PLAG1: variants seen among roughly 807,000 people sequenced by gnomAD.
PLAG1 encodes the protein zinc finger protein PLAG1.
A neutral mutation model predicts 35.5 loss-of-function variants in PLAG1; 7 were observed. The ratio of observed to expected loss-of-function variants is 0.20; its 90% CI spans 0.11 to 0.37. The LOEUF (loss-of-function observed/expected upper bound fraction) is 0.37, where lower values mean the gene tolerates loss of function less well. PLAG1 is among the 10% of genes least tolerant of loss of function. The probability of loss-of-function intolerance (pLI) is 1.00; values close to 1 mark genes in which losing one functional copy is unlikely to be tolerated. For missense variants in PLAG1, 454 were observed against 602.8 expected (o/e 0.75, Z 2.58); for synonymous variants, 229 against 225.4 (o/e 1.02, Z -0.14).
At chr8:56,202,679 C>T (rs1477995021) in intron 1 of PLAG1, among the ~76,000 whole-genome samples, 1 of 152,172 alleles carries the variant, frequency 6.6e-6, no homozygotes, top group African/African-American at 2.4e-5. Flanking sequence ...TAAATTCAAG[C>T]ACCACATGAG....
chr8:56,166,791 T>C lies in PLAG1; in HGVS notation c.955A>G (p.Ile319Val), dbSNP rs763818891. 1.9e-6 allele frequency: 3 copies of C among 1,614,038 alleles called. No homozygotes were observed. Among genetic ancestry groups the C allele is most frequent in the African/African-American group, 1.3e-5 (1 of 75,058 alleles). ...TTLPLGMTCP[I>V]DMDTVHPSHH... is the part of the protein sequence containing the mutation. ...GAGGGATGAACAGTGTCCATATCTA[T>C]TGGGCATGTCATTCCCAAAGGTAAA... The change falls in exon 5 of 5, where the codon ATA (isoleucine) becomes GTA (valine). Residue 319 changes from isoleucine (I) to valine (V), a missense_variant. By Grantham distance (29) the Ile-to-Val change is conservative. This residue lies in a region of PLAG1 where 271 missense variants were observed against 315.6 expected (regional missense o/e 0.86). Transcript: ENST00000316981.
Position 56,211,154 on chromosome 8 carries a change from C to T in PLAG1, c.-355G>A, listed in dbSNP as rs1400847939. 2.6e-5 allele frequency: 4 copies of T among 152,742 alleles called. No homozygotes were observed. The highest frequency in any genetic ancestry group is 5.9e-5 in the Non-Finnish European group (4 of 68,064). 9.5% of individuals were successfully genotyped at this position (152,742 alleles called of 1,614,324 possible). ...TTTAACATCCTCCCTCCGGCCCGTC[C>T]GCCGCCTCTACACCGCCCGCGGAAT... On this transcript the variant is annotated 5_prime_UTR_variant, in exon 1 of 5. Coordinates refer to ENST00000316981, the MANE Select transcript of PLAG1 (RefSeq NM_002655.3).
rs1190164629 is a variant in PLAG1, at chr8:56,166,451, T to C, written c.1295A>G (p.Tyr432Cys). The C allele has an allele frequency of 9.3e-6, 15 of 1,613,320 alleles. No individual in the cohort carries two copies. Among genetic ancestry groups the C allele is most frequent in the African/African-American group, 1.3e-5 (1 of 74,874 alleles). Reference protein sequence around the residue: ...FNFIPLNGPPYNPLSVGSLGM... With the variant: ...FNFIPLNGPPCNPLSVGSLGM... Reference sequence around the variant, plus strand: ...AAGGCTCCCCACTGATAGAGGATTATAGGGAGGACCATTTAAAGGTATGAA... The same window carrying C: ...AAGGCTCCCCACTGATAGAGGATTACAGGGAGGACCATTTAAAGGTATGAA... The change falls in exon 5 of 5, where the codon TAT becomes TGT. Residue 432 changes from tyrosine (Y) to cysteine (C), a missense_variant. Physicochemically the swap from Tyr to Cys is radical, Grantham distance 194. This residue lies in a region of PLAG1 where 271 missense variants were observed against 315.6 expected (regional missense o/e 0.86). Coordinates refer to ENST00000316981, the MANE Select transcript of PLAG1 (RefSeq NM_002655.3).
intron 1 of PLAG1, among the ~76,000 whole-genome samples, chr8:56,183,716 A>C (rs1811938388): frequency 6.6e-6 from 1 of 152,218 alleles, no homozygotes; most frequent in Non-Finnish European, 1.5e-5. Context: ...ATAATCAGAA[A>C]AAATTATTTC....
intron 1 of PLAG1, among the ~76,000 whole-genome samples, chr8:56,181,046 T>A (rs1811850190): frequency 6.6e-6 from 1 of 152,140 alleles, no homozygotes; most frequent in African/African-American, 2.4e-5. Flanking sequence ...AGAATGGCAA[T>A]CATTAAATAG....
chr8:56,170,538 C>T (rs1156508170), intron 3 of PLAG1, among the ~76,000 whole-genome samples: 1 of 152,124 alleles, frequency 6.6e-6, no homozygotes, highest in East Asian at 1.9e-4. Flanking sequence ...TTTAGAACAT[C>T]GTGGGAAACA....
chr8:56,196,845 T>C (rs1055206406), intron 1 of PLAG1, among the ~76,000 whole-genome samples: 9 of 152,110 alleles, frequency 5.9e-5, no homozygotes, highest in South Asian at 2.1e-4. Flanking sequence ...CCCATCCAGA[T>C]GCGTGGGGGT....
At chr8:56,205,919 T>C (rs924769207) in intron 1 of PLAG1, among the ~76,000 whole-genome samples, 1 of 152,030 alleles carries the variant, frequency 6.6e-6, no homozygotes, top group Non-Finnish European at 1.5e-5. Flanking sequence ...GCACACACTG[T>C]GGTTAGTTTT....
Position 56,162,304 on chromosome 8 carries a change from A to T in PLAG1, c.*3939T>A, listed in dbSNP as rs969020945. The T allele has an allele frequency of 4.4e-6, 1 of 228,182 alleles. No homozygotes were observed. The highest frequency in any genetic ancestry group is 2.2e-5 in the African/African-American group (1 of 45,060). 14.1% of individuals were successfully genotyped at this position (228,182 alleles called of 1,614,324 possible). A position where few individuals can be genotyped will look rare whatever the true frequency, so the allele number is the denominator to read the frequency against. On this transcript the variant is annotated 3_prime_UTR_variant, in exon 5 of 5. Transcript: ENST00000316981. ...AGTAGGCTAGAAGCAACTTGGGTGAACTGGTATTTTTTAACTTACGTACTG... is the reference window on the plus strand; with the variant it reads ...AGTAGGCTAGAAGCAACTTGGGTGATCTGGTATTTTTTAACTTACGTACTG...
At chr8:56,209,641 A>C (rs1812790795) in intron 1 of PLAG1, among the ~76,000 whole-genome samples, 1 of 152,182 alleles carries the variant, frequency 6.6e-6, no homozygotes, top group African/African-American at 2.4e-5. Context: ...AAAACCAGAA[A>C]ACCTCAGCTT....
intron 1 of PLAG1, among the ~76,000 whole-genome samples, chr8:56,179,921 G>A (rs1377965240): frequency 6.6e-6 from 1 of 152,054 alleles, no homozygotes; most frequent in Non-Finnish European, 1.5e-5. Context: ...TGCCCCATGA[G>A]TGCTTTCCTC....
At chr8:56,181,685 C>T (rs772283364) in intron 1 of PLAG1, among the ~76,000 whole-genome samples, 7 of 151,990 alleles carry the variant, frequency 4.6e-5, no homozygotes, top group Admixed American at 1.3e-4. Context: ...CAAACCTGCA[C>T]GTTCTGCACA....
chr8:56,207,498 A>G (rs1812733068), intron 1 of PLAG1, among the ~76,000 whole-genome samples: 1 of 151,970 alleles, frequency 6.6e-6, no homozygotes, highest in South Asian at 2.1e-4. Context: ...ATAAATATCT[A>G]TTTACTATTT....
At chr8:56,176,651 A>G (rs1811704389) in intron 2 of PLAG1, among the ~76,000 whole-genome samples, 2 of 152,062 alleles carry the variant, frequency 1.3e-5, no homozygotes, top group Admixed American at 6.6e-5. Context: ...CTATTTTTAG[A>G]TAATTTCCTG....
chr8:56,173,421 T>C (rs1223848883), intron 2 of PLAG1, among the ~76,000 whole-genome samples: 1 of 152,080 alleles, frequency 6.6e-6, no homozygotes, highest in East Asian at 1.9e-4. Context: ...TGGATTGATA[T>C]AATAAAAAAT....
At chr8:56,188,548 T>G (rs759761474) in intron 1 of PLAG1, among the ~76,000 whole-genome samples, 1 of 152,254 alleles carries the variant, frequency 6.6e-6, no homozygotes, top group Non-Finnish European at 1.5e-5. Context: ...ACACAGTGTA[T>G]GTCAAATTTG....
At chr8:56,196,759 CCCTCCTG>C (rs898294057) in intron 1 of PLAG1, among the ~76,000 whole-genome samples, 22 of 152,118 alleles carry the variant, frequency 1.4e-4, no homozygotes, top group African/African-American at 5.3e-4. Context: ...GTGTGGGCCT[CCCTCCTG>C]CCTCCTGCCG....
At chr8:56,197,678 T>C (rs1356089939) in intron 1 of PLAG1, among the ~76,000 whole-genome samples, 1 of 152,196 alleles carries the variant, frequency 6.6e-6, no homozygotes, top group Non-Finnish European at 1.5e-5. Context: ...CTGTCTGGGA[T>C]TGTGGGTCTC....
intron 1 of PLAG1, among the ~76,000 whole-genome samples, chr8:56,185,486 T>A (rs1362536306): frequency 6.6e-6 from 1 of 152,134 alleles, no homozygotes; most frequent in East Asian, 1.9e-4. Flanking sequence ...AATAAAACTT[T>A]CTGCAAACTG....
Sources: allele counts gnomAD v4.1 joint callset (sites outside exome capture counted in the v4.1 genomes callset), GRCh38; gene constraint gnomAD v4.1.1; regional missense constraint gnomAD v4.1.1; transcripts MANE v1.5; gene names NCBI Gene and HGNC (gene_info 2026-07-23, HGNC 2026-07-21).